The following ABCG2 variants were observed in gnomAD, a reference collection of about 807,000 sequenced individuals.
The protein encoded by ABCG2 is ATP binding cassette subfamily G member 2 (JR blood group).
A neutral mutation model predicts 73.5 loss-of-function variants in ABCG2; 80 were observed. The observed-to-expected ratio is 1.09, with a 90% CI of 0.91 to 1.31. The LOEUF is 1.31. Ranked by LOEUF, ABCG2 falls within the 50% of genes most tolerant of loss-of-function variation. The probability of loss-of-function intolerance (pLI) is 0.00; values close to 1 mark genes in which losing one functional copy is unlikely to be tolerated. For synonymous variants in ABCG2, 269 were observed against 282.4 expected (o/e 0.95, Z 0.48); for missense variants, 796 against 786.2 (o/e 1.01, Z -0.15).
chr4:88,226,285 C>T (rs937952822), intron 1 of ABCG2, among the ~76,000 whole-genome samples: 10 of 152,176 alleles, frequency 6.6e-5, no homozygotes, highest in Non-Finnish European at 1.0e-4. Flanking sequence ...AGAGTCAAGT[C>T]CAAATCTGTC....
At chr4:88,203,109 G>A (rs1445525130) in intron 1 of ABCG2, among the ~76,000 whole-genome samples, 1 of 152,232 alleles carries the variant, frequency 6.6e-6, no homozygotes, top group East Asian at 1.9e-4. Flanking sequence ...TCAGCACAAT[G>A]CCAGTTTAAT....
chr4:88,134,478 G>A (rs80170870), intron 2 of ABCG2, among the ~76,000 whole-genome samples: 114 of 152,276 alleles, frequency 7.5e-4, no homozygotes, highest in African/African-American at 2.6e-3. Flanking sequence ...CTCTAAATGT[G>A]TAAAACAACA....
At chr4:88,210,595 C>CCT (rs1553900134) in intron 1 of ABCG2, among the ~76,000 whole-genome samples, 4 of 146,260 alleles carry the variant, frequency 2.7e-5, no homozygotes, top group Non-Finnish European at 6.0e-5. Context: ...TTTTTCTTTT[C>CCT]TTTTTTTTTT....
chr4:88,217,516 G>A (rs187339234), intron 1 of ABCG2, among the ~76,000 whole-genome samples: 1 of 152,268 alleles, frequency 6.6e-6, no homozygotes, highest in Admixed American at 6.5e-5. Context: ...ACAAAAATTA[G>A]CCAGGTGTGG....
chr4:88,211,805 T>C (rs184547603), intron 1 of ABCG2, among the ~76,000 whole-genome samples: 228 of 152,254 alleles, frequency 1.5e-3, no homozygotes, highest in Middle Eastern at 3.4e-3. Context: ...GGTACTGCAC[T>C]AAAGGGAAAA....
intron 1 of ABCG2, among the ~76,000 whole-genome samples, chr4:88,142,747 G>A (rs575412931): frequency 2.6e-5 from 4 of 152,206 alleles, no homozygotes; most frequent in Admixed American, 2.6e-4. Flanking sequence ...AGGAATTCGA[G>A]GCCAGCCTGC....
intron 12 of ABCG2, among the ~76,000 whole-genome samples, 175 bp downstream of exon 12, chr4:88,099,149 C>G (rs1211929806): frequency 6.6e-6 from 1 of 152,090 alleles, no homozygotes; most frequent in Non-Finnish European, 1.5e-5. Context: ...ACAGTCTTGA[C>G]AAAAATAGCT....
chr4:88,104,551 T>C (rs1315541712), intron 10 of ABCG2, among the ~76,000 whole-genome samples: 1 of 152,070 alleles, frequency 6.6e-6, no homozygotes, highest in Non-Finnish European at 1.5e-5. Flanking sequence ...AGCTAATGCA[T>C]ACTGGGCTTA....
At chr4:88,192,552 T>C (rs934984823) in intron 1 of ABCG2, among the ~76,000 whole-genome samples, 5 of 151,774 alleles carry the variant, frequency 3.3e-5, no homozygotes, top group African/African-American at 1.2e-4. Flanking sequence ...CCCGAGTAGC[T>C]GGAATTATAG....
chr4:88,177,765 G>C (rs543465654), intron 1 of ABCG2, among the ~76,000 whole-genome samples: 9 of 152,156 alleles, frequency 5.9e-5, no homozygotes, highest in East Asian at 1.9e-4. Context: ...CTGTGTGTTG[G>C]GGGAGGGAGA....
At chr4:88,122,289 T>C (rs1262454088) in intron 5 of ABCG2, among the ~76,000 whole-genome samples, 1 of 151,450 alleles carries the variant, frequency 6.6e-6, no homozygotes, top group Non-Finnish European at 1.5e-5. Context: ...CATACCCCAG[T>C]GGTGCCTGGA....
At chr4:88,170,589 T>G (rs1206797297) in intron 1 of ABCG2, among the ~76,000 whole-genome samples, 3 of 152,248 alleles carry the variant, frequency 2.0e-5, no homozygotes, top group Admixed American at 6.5e-5. Flanking sequence ...ACCTGGCACC[T>G]ACTAGCCCCC....
chr4:88,166,625 T>G (rs1164945189), intron 1 of ABCG2, among the ~76,000 whole-genome samples: 1 of 152,154 alleles, frequency 6.6e-6, no homozygotes, highest in East Asian at 1.9e-4. Flanking sequence ...CTACTTGGGA[T>G]GGGACTCTGT....
At chr4:88,122,207 G>A (rs1301601263) in intron 5 of ABCG2, among the ~76,000 whole-genome samples, 2 of 152,100 alleles carry the variant, frequency 1.3e-5, no homozygotes, top group African/African-American at 2.4e-5. Context: ...CATCACCAGG[G>A]CCCTGGGTTT....
Position 88,169,422 on chromosome 4 carries a change from T to C in ABCG2, c.-19-29408A>G, listed in dbSNP as rs559869066. ...TGAAATTCATATATTTTGCAGGTCA[T>C]AAAGGCTTATTCATTCTTATCTTTA... On this transcript the variant is annotated intron_variant, in intron 1 of 15. Coordinates refer to the ABCG2 transcript ENST00000515655. Among the ~76,000 whole-genome samples the C allele has an allele frequency of 4.6e-5, 7 of 152,304 alleles. No homozygotes were observed. In the East Asian group the frequency reaches 1.4e-3, roughly 29 times the overall value.
At chr4:88,214,390 T>G (rs1729722569) in intron 1 of ABCG2, among the ~76,000 whole-genome samples, 1 of 152,092 alleles carries the variant, frequency 6.6e-6, no homozygotes, top group Non-Finnish European at 1.5e-5. Flanking sequence ...TACTCACTTC[T>G]CCAATCCCTC....
chr4:88,094,071 G>C (rs910285819), intron 15 of ABCG2, among the ~76,000 whole-genome samples: 3 of 152,166 alleles, frequency 2.0e-5, no homozygotes, highest in Non-Finnish European at 4.4e-5. Flanking sequence ...TGAGGCAGTG[G>C]AAGTGCCAGG....
chr4:88,115,434 T>C (rs867681980), intron 7 of ABCG2, among the ~76,000 whole-genome samples: 1 of 150,096 alleles, frequency 6.7e-6, no homozygotes, highest in Admixed American at 6.7e-5. Flanking sequence ...GAAGCACGCA[T>C]GACCACGTCC....
chr4:88,143,918 A>C (rs1301745172), intron 1 of ABCG2, among the ~76,000 whole-genome samples: 2 of 152,240 alleles, frequency 1.3e-5, no homozygotes, highest in African/African-American at 2.4e-5. Flanking sequence ...CTCATCTCAA[A>C]GTGCCCGATC....
Sources: gnomAD v4.1 joint callset for allele counts (sites outside exome capture counted in the v4.1 genomes callset) on GRCh38, gnomAD v4.1.1 for gene constraint, MANE v1.5 for transcripts, NCBI Gene and HGNC (gene_info 2026-07-23, HGNC 2026-07-21) for gene names.